Variants in RPS6KA2 observed in about 807,000 individuals in gnomAD.
RPS6KA2 encodes ribosomal protein S6 kinase A2, also known as ribosomal protein S6 kinase alpha-2.
RPS6KA2 carries 42 observed loss-of-function variants against 91.8 expected under a neutral mutation model. That is an observed-to-expected ratio of 0.46 (90% CI 0.36 to 0.59). The LOEUF (loss-of-function observed/expected upper bound fraction) is 0.59, where lower values mean the gene tolerates loss of function less well. Ranked by LOEUF, RPS6KA2 falls within the 20% of genes least tolerant of loss-of-function variation. The pLI is 0.00. For missense variants in RPS6KA2, 798 were observed against 978.5 expected (o/e 0.82, Z 2.46); for synonymous variants, 414 against 393.6 (o/e 1.05, Z -0.61).
At chr6:166,799,590 ATGT>A (rs1459803549) in intron 2 of RPS6KA2, among the ~76,000 whole-genome samples, 2 of 16,640 alleles carry the variant, frequency 1.2e-4, no homozygotes, top group African/African-American at 2.5e-4. Context: ...AAGCATTTTC[ATGT>A]TTTTTTTTTT....
intron 1 of RPS6KA2, among the ~76,000 whole-genome samples, chr6:166,566,007 AGAGACAC>A: frequency 6.6e-6 from 1 of 152,254 alleles, no homozygotes; most frequent in Non-Finnish European, 1.5e-5. Flanking sequence ...TTTCAGGAGA[AGAGACAC>A]ATGAAACTTG....
At chr6:166,504,476 G>T in intron 6 of RPS6KA2, 30 bp downstream of exon 6, 1 of 1,341,470 alleles carries the variant, frequency 7.5e-7, no homozygotes, top group Non-Finnish European at 1.1e-6. Context: ...ATGGGCGTGG[G>T]GAAGTCAGCC....
At chr6:166,579,179 C>T (rs1165716120) in intron 1 of RPS6KA2, among the ~76,000 whole-genome samples, 1 of 152,188 alleles carries the variant, frequency 6.6e-6, no homozygotes, top group African/African-American at 2.4e-5. Context: ...TCCGTTTATG[C>T]TGTTTAGAAA....
At chr6:166,632,520 G>A (rs561208397) in intron 2 of RPS6KA2, among the ~76,000 whole-genome samples, 1 of 151,968 alleles carries the variant, frequency 6.6e-6, no homozygotes, top group East Asian at 1.9e-4. Flanking sequence ...GCTAAGGCAG[G>A]AGCATCCCTT....
At position 166,494,180 on chromosome 6, in the gene RPS6KA2, T is replaced by G. The variant is rs1293015822; in HGVS notation, c.748-3439A>C. 6.6e-6 allele frequency among the ~76,000 whole-genome samples: 1 copy of G among 152,212 alleles called. No individual in the cohort carries two copies. The highest frequency in any genetic ancestry group is 6.5e-5 in the Admixed American group (1 of 15,280). ...TTGCAGGGTATGGAGGGGCTGGGTCTCGGAGAGCTGTGTTGATCCATGCCC... is the reference window on the plus strand; with the variant it reads ...TTGCAGGGTATGGAGGGGCTGGGTCGCGGAGAGCTGTGTTGATCCATGCCC... On this transcript the variant is annotated intron_variant, in intron 8 of 20. Transcript: ENST00000265678. The surrounding 1 kb of genome is among the most constrained non-coding windows in gnomAD (Gnocchi z 5.1).
At chr6:166,592,944 A>T (rs1347273822) in intron 1 of RPS6KA2, among the ~76,000 whole-genome samples, 2 of 152,214 alleles carry the variant, frequency 1.3e-5, no homozygotes, top group Non-Finnish European at 2.9e-5. Flanking sequence ...TGAAACTCGA[A>T]TTCAACATCA....
At chr6:166,462,545 C>T (rs761794348) in intron 11 of RPS6KA2, among the ~76,000 whole-genome samples, 1 of 152,232 alleles carries the variant, frequency 6.6e-6, no homozygotes, top group Non-Finnish European at 1.5e-5. Flanking sequence ...TAAGTCAGGT[C>T]CCGGTTCCCT....
intron 2 of RPS6KA2, among the ~76,000 whole-genome samples, chr6:166,816,904 CCAAATGCTTGGGTTGAA>C (rs996064204): frequency 6.6e-5 from 10 of 152,126 alleles, no homozygotes; most frequent in African/African-American, 2.4e-4. Context: ...GAGCACCAAC[CCAAATGCTTGGGTTGAA>C]ACATGGAAAA....
intron 2 of RPS6KA2, among the ~76,000 whole-genome samples, chr6:166,712,565 G>C (rs552614911): frequency 6.0e-4 from 91 of 152,342 alleles, no homozygotes; most frequent in African/African-American, 2.2e-3. Flanking sequence ...ATGCAGTGTG[G>C]GGTTAGAAAG....
rs1366693788 is a variant in RPS6KA2 at position 166,448,311 on chromosome 6, G to A, written c.1332+413C>T. On this transcript the variant is annotated intron_variant, in intron 14 of 20. Coordinates refer to ENST00000265678, the MANE Select transcript of RPS6KA2 (RefSeq NM_021135.6). The surrounding 1 kb of genome is among the most constrained non-coding windows in gnomAD (Gnocchi z 4.7). ...CCCAACTCTGTTTTCTCAAAATACT[G>A]GGGGCCCAAAACTTTTGCTCTTGGT... is the stretch of plus-strand genomic sequence containing the variant. Among the ~76,000 whole-genome samples, 1 of 151,874 alleles carries A rather than the reference G, an allele frequency of 6.6e-6. No homozygotes were observed. The highest frequency in any genetic ancestry group is 2.4e-5 in the African/African-American group (1 of 41,306).
At chr6:166,754,067 C>T (rs895581825) in intron 2 of RPS6KA2, among the ~76,000 whole-genome samples, 5 of 152,160 alleles carry the variant, frequency 3.3e-5, no homozygotes, top group African/African-American at 2.4e-5. Flanking sequence ...CCCTGAGGCC[C>T]GAGGTGCATG....
At chr6:166,572,027 T>C (rs1218246238) in intron 1 of RPS6KA2, among the ~76,000 whole-genome samples, 2 of 152,160 alleles carry the variant, frequency 1.3e-5, no homozygotes, top group Non-Finnish European at 2.9e-5. Context: ...TAAAATAAAA[T>C]GCATTCATAA....
Position 166,490,729 on chromosome 6 carries a change from T to C in RPS6KA2, c.760A>G (p.Thr254Ala). ...SFGVLMFEML[T>A]GSLPFQGKDR... ...TTCCCCTGGAACGGCAGGGACCCCG[T>C]GAGCATCTCAAACTGCAGAGCAACA... Residue 254 changes from threonine to alanine, a missense_variant, in exon 9 of 21, where the codon ACG becomes GCG. Coordinates refer to ENST00000265678, the MANE Select transcript of RPS6KA2 (RefSeq NM_021135.6). The surrounding 1 kb of genome is among the most constrained non-coding windows in gnomAD (Gnocchi z 4.2). 1 of 1,612,640 alleles carries C rather than the reference T, an allele frequency of 6.2e-7. No homozygotes were observed. Among genetic ancestry groups the C allele is most frequent in the Non-Finnish European group, 8.5e-7 (1 of 1,179,254 alleles).
Position 166,849,247 on chromosome 6 carries a change from G to T in RPS6KA2, c.123+8953C>A, listed in dbSNP as rs1780676514. ...CAGGTCGTGGCCTAAACATGGCGTG[G>T]GTAGAGAAGTCTACGGTAACCATGC... On this transcript the variant is annotated intron_variant, in intron 2 of 21. Coordinates refer to the RPS6KA2 transcript ENST00000503859. This position sits in a 1 kb window ranked among gnomAD's most constrained non-coding sequence, Gnocchi z 4.9. 6.6e-6 allele frequency among the ~76,000 whole-genome samples: 1 copy of T among 152,158 alleles called. No homozygotes were observed. Among genetic ancestry groups the T allele is most frequent in the Non-Finnish European group, 1.5e-5 (1 of 68,028 alleles).
At chr6:166,818,990 G>C (rs1003668468) in intron 2 of RPS6KA2, among the ~76,000 whole-genome samples, 3 of 151,948 alleles carry the variant, frequency 2.0e-5, no homozygotes, top group Admixed American at 6.6e-5. Context: ...CCAAGCTCAG[G>C]ATGCATGTTT....
At chr6:166,542,331 AT>A (rs769590689) in intron 1 of RPS6KA2, 5 of 152,216 alleles carry the variant, frequency 3.3e-5, no homozygotes, top group Non-Finnish European at 5.9e-5. Flanking sequence ...GAAGCAGGTA[AT>A]TTTATCTAGA....
Position 166,748,536 on chromosome 6 carries a change from C to T in RPS6KA2, c.123+109664G>A, listed in dbSNP as rs1460645737. Among the ~76,000 whole-genome samples, 7 of 114,878 alleles carry T rather than the reference C, an allele frequency of 6.1e-5. No homozygotes were observed. The South Asian group carries it at 9.2e-4, about 15-fold the overall frequency. The allele number at this position is 114,878 out of a possible 152,430, so 75.4% of individuals were successfully genotyped here. A position where few individuals can be genotyped will look rare whatever the true frequency, so the allele number is the denominator to read the frequency against. ...TCCATGGGGGCCCCACCTCCTCGGGCCCCCCATCCCCTTGGGCCCCCACCT... is the reference window on the plus strand; with the variant it reads ...TCCATGGGGGCCCCACCTCCTCGGGTCCCCCATCCCCTTGGGCCCCCACCT... On this transcript the variant is annotated intron_variant, in intron 2 of 21. Coordinates refer to the RPS6KA2 transcript ENST00000503859.
At position 166,411,822 on chromosome 6, in the gene RPS6KA2, GT is replaced by G. The variant is rs1252869345; in HGVS notation, c.*939del. Reference sequence around the variant, plus strand: ...CAGAGCTCCATTTCTCCAATTCACAGTTTCTCCACAGACCAGAAAAATCGAA... The same window carrying G: ...CAGAGCTCCATTTCTCCAATTCACAGTTCTCCACAGACCAGAAAAATCGAA... On this transcript the variant is annotated 3_prime_UTR_variant, in exon 21 of 21. Coordinates refer to ENST00000265678, the MANE Select transcript of RPS6KA2 (RefSeq NM_021135.6). The surrounding 1 kb of genome is among the most constrained non-coding windows in gnomAD (Gnocchi z 4.5). 1 of 152,360 alleles carries G rather than the reference GT, an allele frequency of 6.6e-6. No individual in the cohort carries two copies. Among genetic ancestry groups the G allele is most frequent in the East Asian group, 1.9e-4 (1 of 5,182 alleles). The allele number at this position is 152,360 out of a possible 1,614,324, so 9.4% of individuals were successfully genotyped here. A position where few individuals can be genotyped will look rare whatever the true frequency, so the allele number is the denominator to read the frequency against.
chr6:166,701,496 T>C lies in RPS6KA2; in HGVS notation c.123+156704A>G. ...CCATCCTCACCTTAGCATCTGGTGC[T>C]TCCACTGGAGCAATCTTACTTGAAG... On this transcript the variant is annotated intron_variant, in intron 2 of 21. Coordinates refer to the RPS6KA2 transcript ENST00000503859. 7.8e-6 allele frequency: 10 copies of C among 1,274,962 alleles called. No individual in the cohort carries two copies. In the South Asian group the frequency reaches 1.2e-4, roughly 15 times the overall value. 79.0% of individuals were successfully genotyped at this position (1,274,962 alleles called of 1,614,324 possible). A position where few individuals can be genotyped will look rare whatever the true frequency, so the allele number is the denominator to read the frequency against.
Sources: allele counts gnomAD v4.1 joint callset (sites outside exome capture counted in the v4.1 genomes callset), GRCh38; gene constraint gnomAD v4.1.1; non-coding constraint Gnocchi (gnomAD v3.1); transcripts MANE v1.5; gene names NCBI Gene and HGNC (gene_info 2026-07-23, HGNC 2026-07-21).